The following SETBP1 variants were observed in gnomAD, a reference collection of about 807,000 sequenced individuals.
SETBP1 encodes the protein SET binding protein 1, also known as SET-binding protein.
In SETBP1, 9 loss-of-function variants were observed where a neutral mutation model predicts 101.0. That is an observed-to-expected ratio of 0.09 (90% CI 0.05 to 0.16). The LOEUF (loss-of-function observed/expected upper bound fraction) is 0.16, where lower values mean the gene tolerates loss of function less well. SETBP1 is among the 10% of genes least tolerant of loss of function. The pLI is 1.00. For synonymous variants in SETBP1, 818 were observed against 788.5 expected (o/e 1.04, Z -0.63); for missense variants, 1,858 against 2,033.8 (o/e 0.91, Z 1.66).
At chr18:44,907,075 C>T (rs1194470560) in intron 3 of SETBP1, among the ~76,000 whole-genome samples, 1 of 152,174 alleles carries the variant, frequency 6.6e-6, no homozygotes, top group East Asian at 1.9e-4. Flanking sequence ...TGTTCCCATA[C>T]ATTTGCCTTT....
At chr18:44,784,590 T>C (rs2071199172) in intron 2 of SETBP1, among the ~76,000 whole-genome samples, 2 of 152,230 alleles carry the variant, frequency 1.3e-5, no homozygotes, top group African/African-American at 4.8e-5. Context: ...TCATCTGAAT[T>C]GTGAATATTA....
At chr18:44,995,896 T>C (rs1229751465) in intron 4 of SETBP1, among the ~76,000 whole-genome samples, 1 of 152,222 alleles carries the variant, frequency 6.6e-6, no homozygotes, top group Non-Finnish European at 1.5e-5. Flanking sequence ...AGGCCCCATC[T>C]CCCAACACCG....
chr18:44,910,240 T>C (rs1226494433), intron 3 of SETBP1, among the ~76,000 whole-genome samples: 1 of 152,162 alleles, frequency 6.6e-6, no homozygotes, highest in African/African-American at 2.4e-5. Context: ...TCATACACAT[T>C]GCTGCTGTTC....
At chr18:45,000,830 A>G (rs915162245) in intron 4 of SETBP1, among the ~76,000 whole-genome samples, 3 of 147,742 alleles carry the variant, frequency 2.0e-5, no homozygotes, top group African/African-American at 7.4e-5. Flanking sequence ...ACACACTCCT[A>G]GGAAGCTCTG....
rs1341522373 is a variant in SETBP1, at chr18:44,713,938, C to T, written c.486+12106C>T. Among the ~76,000 whole-genome samples the T allele has an allele frequency of 2.0e-5, 3 of 152,080 alleles. No homozygotes were observed. The East Asian group carries it at 5.8e-4, about 29-fold the overall frequency. Reference sequence around the variant, plus strand: ...ACAAGGCACTTTTAAATGTAGTTGCCCAACTCAGTCAGAAATCCTTTTCTA... The same window carrying T: ...ACAAGGCACTTTTAAATGTAGTTGCTCAACTCAGTCAGAAATCCTTTTCTA... On this transcript the variant is annotated intron_variant, in intron 2 of 5. Transcript: ENST00000649279.
chr18:44,819,658 G>T (rs1405470361), intron 2 of SETBP1, among the ~76,000 whole-genome samples: 4 of 152,200 alleles, frequency 2.6e-5, no homozygotes, highest in Middle Eastern at 3.4e-3. Flanking sequence ...TGCATATTTA[G>T]CATCTTTTCA....
At position 44,950,864 on chromosome 18, in the gene SETBP1, G is replaced by C. The variant is rs929753972; in HGVS notation, c.1524G>C (p.Thr508=). The change falls in exon 4 of 6, where the codon ACG becomes ACC. Residue 508 remains threonine, a synonymous_variant. Transcript: ENST00000649279. ...RKPPMVMTPP[T]CTDHSPSRKL... is the part of the protein sequence containing the mutation. Reference sequence around the variant, plus strand: ...CACCCATGGTCATGACACCTCCAACGTGCACAGATCACTCTCCATCCAGAA... The same window carrying C: ...CACCCATGGTCATGACACCTCCAACCTGCACAGATCACTCTCCATCCAGAA... The C allele has an allele frequency of 1.9e-6, 3 of 1,614,120 alleles. No individual in the cohort carries two copies.
chr18:45,037,708 C>G (rs1214254214), intron 4 of SETBP1, among the ~76,000 whole-genome samples: 3 of 152,128 alleles, frequency 2.0e-5, no homozygotes, highest in Non-Finnish European at 4.4e-5. Context: ...ACAGGGGCAC[C>G]TCCTGACTCC....
At chr18:44,739,559 GTC>G (rs1234017685) in intron 2 of SETBP1, among the ~76,000 whole-genome samples, 1 of 152,160 alleles carries the variant, frequency 6.6e-6, no homozygotes, top group East Asian at 1.9e-4. Flanking sequence ...TTGTAAAAGA[GTC>G]TGACTAAATA....
At position 44,816,003 on chromosome 18, in the gene SETBP1, C is replaced by T. The variant is rs76234575; in HGVS notation, c.487-53227C>T. 2.0e-3 allele frequency among the ~76,000 whole-genome samples: 309 copies of T among 152,234 alleles called. 7 individuals carry two copies. In the East Asian group the frequency reaches 0.054, roughly 27 times the overall value. ...ACACCACACTGTTTCTTTTGCTGAACAATAGTGATTTGATTCCCCAAATCA... is the reference window on the plus strand; with the variant it reads ...ACACCACACTGTTTCTTTTGCTGAATAATAGTGATTTGATTCCCCAAATCA... On this transcript the variant is annotated intron_variant, in intron 2 of 5. Coordinates refer to ENST00000649279, the MANE Select transcript of SETBP1 (RefSeq NM_015559.3).
chr18:44,871,361 C>T (rs1181219719), intron 3 of SETBP1: 4 of 152,260 alleles, frequency 2.6e-5, no homozygotes, highest in Non-Finnish European at 5.9e-5. Context: ...CCCCTTCTCT[C>T]TTTGGGTTTC....
At chr18:44,863,763 C>A (rs1020625323) in intron 2 of SETBP1, among the ~76,000 whole-genome samples, 7 of 152,162 alleles carry the variant, frequency 4.6e-5, no homozygotes, top group African/African-American at 1.7e-4. Flanking sequence ...CTCTACCTAC[C>A]TACCTAGCTA....
chr18:44,976,248 C>T (rs371463677), intron 4 of SETBP1, among the ~76,000 whole-genome samples: 1 of 152,094 alleles, frequency 6.6e-6, no homozygotes, highest in South Asian at 2.1e-4. Context: ...GGAGAGCCGC[C>T]GTGGGTTTTG....
At chr18:44,934,091 C>T (rs930790313) in intron 3 of SETBP1, among the ~76,000 whole-genome samples, 1 of 151,990 alleles carries the variant, frequency 6.6e-6, no homozygotes, top group Non-Finnish European at 1.5e-5. Flanking sequence ...TTTTACCAAC[C>T]TTGTCTTGTT....
intron 2 of SETBP1, among the ~76,000 whole-genome samples, chr18:44,716,276 G>T (rs2069461860): frequency 6.6e-6 from 1 of 152,058 alleles, no homozygotes; most frequent in African/African-American, 2.4e-5. Context: ...CTATAAGTGG[G>T]GGATCCCCTT....
At chr18:44,728,710 G>A (rs1247660806) in intron 2 of SETBP1, among the ~76,000 whole-genome samples, 1 of 152,210 alleles carries the variant, frequency 6.6e-6, no homozygotes, top group Non-Finnish European at 1.5e-5. Flanking sequence ...TGGGATGGAG[G>A]GAAGGTAGTC....
intron 4 of SETBP1, among the ~76,000 whole-genome samples, chr18:44,994,748 T>C (rs1414523820): frequency 2.0e-5 from 3 of 152,244 alleles, no homozygotes; most frequent in African/African-American, 7.2e-5. Flanking sequence ...CAGCTGAATC[T>C]TAGAAATAGC....
intron 3 of SETBP1, among the ~76,000 whole-genome samples, chr18:44,931,894 A>C (rs1029782364): frequency 6.6e-6 from 1 of 152,058 alleles, no homozygotes; most frequent in Non-Finnish European, 1.5e-5. Context: ...TCTTTATCCA[A>C]TTTGCCAGTC....
chr18:44,786,643 T>G (rs957544305), intron 2 of SETBP1, among the ~76,000 whole-genome samples: 1 of 152,222 alleles, frequency 6.6e-6, no homozygotes, highest in African/African-American at 2.4e-5. Context: ...AAGCTCTCTC[T>G]AAGACATCAG....
Sources: gnomAD v4.1 joint callset for allele counts (sites outside exome capture counted in the v4.1 genomes callset) on GRCh38, gnomAD v4.1.1 for gene constraint, MANE v1.5 for transcripts, NCBI Gene and HGNC (gene_info 2026-07-23, HGNC 2026-07-21) for gene names.